The following VGLL4 variants were observed in gnomAD, a reference collection of about 807,000 sequenced individuals.
VGLL4 encodes the protein transcription cofactor vestigial-like protein 4.
VGLL4 carries 7 observed loss-of-function variants against 21.0 expected under a neutral mutation model. That is an observed-to-expected ratio of 0.33 (90% CI 0.19 to 0.63). The LOEUF (loss-of-function observed/expected upper bound fraction) is 0.63. Ranked by LOEUF, VGLL4 falls within the 20% of genes least tolerant of loss-of-function variation. VGLL4 has a pLI of 0.78. For missense variants in VGLL4, 394 were observed against 425.7 expected (o/e 0.93, Z 0.66); for synonymous variants, 222 against 173.2 (o/e 1.28, Z -2.21).
Position 11,602,032 on chromosome 3 carries a change from G to A in VGLL4, c.83-10C>T, listed in dbSNP as rs774269515. Reference sequence around the variant, plus strand: ...CTGAGAGCAGCTTCGCCTACGCAGAGAGAGATGATGTAGTCACTAAGCAGG... The same window carrying A: ...CTGAGAGCAGCTTCGCCTACGCAGAAAGAGATGATGTAGTCACTAAGCAGG... On this transcript the variant is annotated splice_polypyrimidine_tract_variant and intron_variant, in intron 1 of 4. Coordinates refer to ENST00000430365, the MANE Select transcript of VGLL4 (RefSeq NM_001128219.3). 39 of 1,533,820 alleles carry A rather than the reference G, an allele frequency of 2.5e-5. 2 individuals carry two copies. The South Asian group carries it at 4.9e-4, about 19-fold the overall frequency.
chr3:11,633,745 A>C (rs1006112051), intron 1 of VGLL4: 1 of 152,172 alleles, frequency 6.6e-6, no homozygotes, highest in Non-Finnish European at 1.5e-5. Flanking sequence ...CTTGCCCTTG[A>C]GGGACTAATA....
In VGLL4 at chr3:11,701,596, G is replaced by A. The variant is rs115369756; in HGVS notation, c.64+1375C>T. 5.2e-3 allele frequency among the ~76,000 whole-genome samples: 796 copies of A among 152,280 alleles called. 3 individuals carry two copies. The highest frequency in any genetic ancestry group is 0.018 in the African/African-American group (746 of 41,552). ...ATCAGTAAGCTCAGTACACACGACA[G>A]CCCGTTAATCCTCATCAACACTTTG... On this transcript the variant is annotated intron_variant, in intron 2 of 5. Transcript: ENST00000273038.
intron 2 of VGLL4, among the ~76,000 whole-genome samples, chr3:11,593,840 G>A (rs910627042): frequency 3.3e-5 from 5 of 152,342 alleles, no homozygotes; most frequent in African/African-American, 4.8e-5. Flanking sequence ...GGGAGGCTGC[G>A]TTTTCTTTCA....
intron 2 of VGLL4, among the ~76,000 whole-genome samples, chr3:11,566,898 G>C (rs1471137533): frequency 6.6e-6 from 1 of 152,188 alleles, no homozygotes; most frequent in African/African-American, 2.4e-5. Context: ...GGTGAATGAA[G>C]AGAAGCAGCA....
chr3:11,705,018 G>A (rs1049174366), intron 1 of VGLL4, among the ~76,000 whole-genome samples: 11 of 152,146 alleles, frequency 7.2e-5, no homozygotes, highest in African/African-American at 1.7e-4. Flanking sequence ...TGCCCAAATC[G>A]CCTACAAGAG....
intron 2 of VGLL4, among the ~76,000 whole-genome samples, chr3:11,596,003 AT>A (rs2074632104): frequency 1.3e-5 from 2 of 152,176 alleles, no homozygotes; most frequent in African/African-American, 4.8e-5. Context: ...ATAAGATAAA[AT>A]AAAAAAAAAG....
At position 11,559,434 on chromosome 3, in the gene VGLL4, A is replaced by T; in HGVS notation, c.517T>A (p.Cys173Ser). Reference protein sequence around the residue: ...RQQNRPSVITCASAGARNCNL... With the variant: ...RQQNRPSVITSASAGARNCNL... Reference sequence around the variant, plus strand: ...CAGTTGCGGGCGCCAGCCGAGGCACAGGTGATCACGGAGGGCCGGTTCTGC... The same window carrying T: ...CAGTTGCGGGCGCCAGCCGAGGCACTGGTGATCACGGAGGGCCGGTTCTGC... Residue 173 changes from cysteine to serine, a missense_variant, in exon 4 of 5, where the codon TGT becomes AGT. By Grantham distance (112) the Cys-to-Ser change is moderately radical (BLOSUM62 -1). Transcript: ENST00000430365. The T allele has an allele frequency of 6.4e-7, 1 of 1,566,922 alleles. No homozygotes were observed. The highest frequency in any genetic ancestry group is 8.6e-7 in the Non-Finnish European group (1 of 1,156,622).
intron 2 of VGLL4, among the ~76,000 whole-genome samples, chr3:11,663,578 C>T (rs761188099): frequency 3.3e-5 from 5 of 152,062 alleles, no homozygotes; most frequent in Admixed American, 6.5e-5. Flanking sequence ...ATTAGCCAGG[C>T]GTGGTGGTGG....
At chr3:11,632,691 A>C (rs1483097233) in intron 1 of VGLL4, among the ~76,000 whole-genome samples, 4 of 152,220 alleles carry the variant, frequency 2.6e-5, no homozygotes, top group African/African-American at 9.6e-5. Context: ...CTGAACAGTA[A>C]ATCAGCTAAC....
intron 1 of VGLL4, among the ~76,000 whole-genome samples, chr3:11,715,962 T>A (rs2076913307): frequency 6.6e-6 from 1 of 152,094 alleles, no homozygotes; most frequent in Non-Finnish European, 1.5e-5. Context: ...GACAGCATTT[T>A]AGCACCATAC....
intron 2 of VGLL4, among the ~76,000 whole-genome samples, chr3:11,654,151 C>T (rs570500759): frequency 1.6e-4 from 24 of 152,052 alleles, no homozygotes; most frequent in African/African-American, 5.8e-4. Context: ...ATCAAGAAAC[C>T]CAAATCAAGC....
intron 2 of VGLL4, among the ~76,000 whole-genome samples, chr3:11,689,640 A>G (rs954217481): frequency 2.6e-5 from 4 of 152,134 alleles, no homozygotes; most frequent in African/African-American, 7.2e-5. Context: ...TTCTCCTCAA[A>G]TGTCTGGTGA....
chr3:11,610,560 C>CGGGGGA (rs1559898774), intron 1 of VGLL4: 1 of 152,094 alleles, frequency 6.6e-6, no homozygotes, highest in Non-Finnish European at 1.5e-5. Context: ...GACCTCGCCT[C>CGGGGGA]GGGGGAGCCG....
intron 2 of VGLL4, among the ~76,000 whole-genome samples, chr3:11,574,001 A>T (rs1224953265): frequency 6.6e-6 from 1 of 152,232 alleles, no homozygotes; most frequent in Non-Finnish European, 1.5e-5. Flanking sequence ...ACCGTCATCA[A>T]CAAGCCATGG....
chr3:11,599,813 C>G (rs375481342), intron 2 of VGLL4, among the ~76,000 whole-genome samples: 5 of 150,900 alleles, frequency 3.3e-5, no homozygotes, highest in East Asian at 4.0e-4. Context: ...TGAGCCACTG[C>G]GCCTAGCCAC....
chr3:11,605,710 T>C (rs1159576543), intron 1 of VGLL4, among the ~76,000 whole-genome samples: 1 of 152,204 alleles, frequency 6.6e-6, no homozygotes, highest in Non-Finnish European at 1.5e-5. Context: ...GCAGGTGGCA[T>C]TTAATTCATT....
chr3:11,565,118 C>G lies in VGLL4; in HGVS notation c.273-99G>C. On this transcript the variant is annotated intron_variant, in intron 2 of 4. Transcript: ENST00000430365. This position sits in a 1 kb window ranked among gnomAD's most constrained non-coding sequence, Gnocchi z 4.1. ...TCCGTGTTGCTTATTTAATTTTTTACCCTGAAGCTCAGGTCGTGTGGCTGG... is the reference window on the plus strand; with the variant it reads ...TCCGTGTTGCTTATTTAATTTTTTAGCCTGAAGCTCAGGTCGTGTGGCTGG... 8.4e-7 allele frequency: 1 copy of G among 1,192,706 alleles called. No individual in the cohort carries two copies. 73.9% of individuals were successfully genotyped at this position (1,192,706 alleles called of 1,614,324 possible). A position where few individuals can be genotyped will look rare whatever the true frequency, so the allele number is the denominator to read the frequency against.
intron 2 of VGLL4, among the ~76,000 whole-genome samples, chr3:11,572,382 G>T (rs907234378): frequency 2.0e-5 from 3 of 152,158 alleles, no homozygotes; most frequent in African/African-American, 7.2e-5. Context: ...CCGGGAGGGA[G>T]GAAAATACAA....
At chr3:11,698,247 C>A (rs1289254256) in intron 2 of VGLL4, among the ~76,000 whole-genome samples, 1 of 152,090 alleles carries the variant, frequency 6.6e-6, no homozygotes, top group Non-Finnish European at 1.5e-5. Flanking sequence ...ACCTGTAATC[C>A]TAGGTGTGAG....
Sources: gnomAD v4.1 joint callset for allele counts (sites outside exome capture counted in the v4.1 genomes callset) on GRCh38, gnomAD v4.1.1 for gene constraint, Gnocchi (gnomAD v3.1) non-coding constraint, MANE v1.5 for transcripts, NCBI Gene and HGNC (gene_info 2026-07-23, HGNC 2026-07-21) for gene names.